B4GALT6: variants seen among roughly 807,000 people sequenced by gnomAD.
The protein encoded by B4GALT6 is beta-1,4-galactosyltransferase 6, also known as UDP-Gal:beta-GlcNAc beta-1,4-galactosyltransferase 6.
In B4GALT6, 14 loss-of-function variants were observed where a neutral mutation model predicts 46.3. The ratio of observed to expected loss-of-function variants is 0.30; its 90% CI spans 0.20 to 0.47. B4GALT6 has a LOEUF of 0.47. Among genes scored for constraint, B4GALT6 ranks in the 20% least tolerant of loss-of-function variants. The pLI is 0.99. For synonymous variants in B4GALT6, 168 were observed against 162.0 expected (o/e 1.04, Z -0.28); for missense variants, 386 against 480.1 (o/e 0.80, Z 1.83).
chr18:31,689,600 T>G (rs1036675340), upstream of B4GALT6, among the ~76,000 whole-genome samples: 1 of 151,902 alleles, frequency 6.6e-6, no homozygotes, highest in Non-Finnish European at 1.5e-5. Flanking sequence ...AAAAATTAGC[T>G]GGGCATGGTG....
At chr18:31,654,753 A>G (rs986622018) in intron 3 of B4GALT6, among the ~76,000 whole-genome samples, 3 of 152,218 alleles carry the variant, frequency 2.0e-5, no homozygotes, top group Admixed American at 2.0e-4. Context: ...AAGTAGATCT[A>G]ATTCTTACAC....
chr18:31,643,918 G>C (rs2073960468), intron 4 of B4GALT6, among the ~76,000 whole-genome samples: 1 of 152,190 alleles, frequency 6.6e-6, no homozygotes, highest in Non-Finnish European at 1.5e-5. Context: ...CGGTGACTGA[G>C]TATGCTTCTT....
chr18:31,669,363 T>G (rs2074323169), intron 1 of B4GALT6, among the ~76,000 whole-genome samples: 1 of 152,218 alleles, frequency 6.6e-6, no homozygotes, highest in Non-Finnish European at 1.5e-5. Context: ...TTTTTGTATA[T>G]TTGCTGCCAG....
chr18:31,697,039 G>T, the B4GALT6 span, among the ~76,000 whole-genome samples: 1 of 152,130 alleles, frequency 6.6e-6, no homozygotes, highest in African/African-American at 2.4e-5. Context: ...AGGAAGCTGA[G>T]GCAAGTGGAT....
chr18:31,646,360 C>T (rs901650396), intron 3 of B4GALT6, among the ~76,000 whole-genome samples: 2 of 152,140 alleles, frequency 1.3e-5, no homozygotes, highest in Admixed American at 1.3e-4. Context: ...TCCGTTAACC[C>T]CAAAAGAGAA....
the B4GALT6 span, among the ~76,000 whole-genome samples, chr18:31,706,280 T>G: frequency 3.3e-5 from 5 of 152,164 alleles, no homozygotes; most frequent in African/African-American, 1.2e-4. Flanking sequence ...ATTACATATG[T>G]GTGTATATAA....
At chr18:31,660,658 G>A (rs976553699) in intron 2 of B4GALT6, among the ~76,000 whole-genome samples, 3 of 150,852 alleles carry the variant, frequency 2.0e-5, no homozygotes, top group Admixed American at 6.6e-5. Context: ...CAGAAAGATA[G>A]AAAGGAAAGA....
intron 1 of B4GALT6, among the ~76,000 whole-genome samples, chr18:31,669,294 T>C (rs181223336): frequency 6.6e-6 from 1 of 152,338 alleles, no homozygotes; most frequent in East Asian, 1.9e-4. Context: ...TGTATTTAAA[T>C]TTGAAAATAA....
chr18:31,682,901 A>G (rs1265758800), intron 1 of B4GALT6, among the ~76,000 whole-genome samples: 1 of 152,220 alleles, frequency 6.6e-6, no homozygotes, highest in Non-Finnish European at 1.5e-5. Flanking sequence ...GAGTATCTAG[A>G]TAATATCAAA....
chr18:31,700,435 T>TGTGTGTGTGTG, the B4GALT6 span, among the ~76,000 whole-genome samples: 19 of 139,578 alleles, frequency 1.4e-4, no homozygotes, highest in African/African-American at 5.0e-4. Flanking sequence ...AATTGACTAT[T>TGTGTGTGTGTG]TGTGTGTGTG....
Position 31,666,296 on chromosome 18 carries a change from G to A in B4GALT6, c.192C>T (p.Ile64=). 3 of 1,608,630 alleles carry A rather than the reference G, an allele frequency of 1.9e-6. No homozygotes were observed. Among genetic ancestry groups the A allele is most frequent in the Non-Finnish European group, 2.5e-6 (3 of 1,177,128 alleles). The part of the protein sequence containing the change: ...RENVKTIGHM[I]RLYTNKNSTL... ...TACTGTTTTTATTTGTGTACAGCCTGATCATATGACCTATTGTTTTCACAT... is the reference window on the plus strand; with the variant it reads ...TACTGTTTTTATTTGTGTACAGCCTAATCATATGACCTATTGTTTTCACAT... The change falls in exon 2 of 9, where the codon ATC becomes ATT. Residue 64 remains isoleucine (I), a synonymous_variant. Transcript: ENST00000306851.
At chr18:31,679,046 C>T (rs1216832131) in intron 1 of B4GALT6, among the ~76,000 whole-genome samples, 2 of 152,226 alleles carry the variant, frequency 1.3e-5, no homozygotes, top group African/African-American at 4.8e-5. Flanking sequence ...GTTTGGAATA[C>T]CTATTACACA....
At chr18:31,703,246 G>T in the B4GALT6 span, among the ~76,000 whole-genome samples, 1 of 152,158 alleles carries the variant, frequency 6.6e-6, no homozygotes, top group African/African-American at 2.4e-5. Flanking sequence ...ATAAGAATGG[G>T]CAGAAAGTGG....
intron 3 of B4GALT6, among the ~76,000 whole-genome samples, chr18:31,646,786 A>G (rs964545364): frequency 4.6e-5 from 7 of 152,236 alleles, no homozygotes; most frequent in Admixed American, 3.3e-4. Context: ...CTAACCAGGC[A>G]GAGCTGTCTG....
At chr18:31,714,418 A>G in the B4GALT6 span, among the ~76,000 whole-genome samples, 64 of 152,304 alleles carry the variant, frequency 4.2e-4, no homozygotes, top group Non-Finnish European at 8.4e-4. Context: ...CAGAGGTTGC[A>G]CAGACAATCC....
rs2073639533 is a variant in B4GALT6 at position 31,623,155 on chromosome 18, C to T, written c.*2459G>A. 6.6e-6 allele frequency: 1 copy of T among 151,944 alleles called. No individual in the cohort carries two copies. Among genetic ancestry groups the T allele is most frequent in the Non-Finnish European group, 1.5e-5 (1 of 67,880 alleles). The allele number at this position is 151,944 out of a possible 1,614,324, so 9.4% of individuals were successfully genotyped here. A position where few individuals can be genotyped will look rare whatever the true frequency, so the allele number is the denominator to read the frequency against. On this transcript the variant is annotated 3_prime_UTR_variant, in exon 9 of 9. Coordinates refer to ENST00000306851, the MANE Select transcript of B4GALT6 (RefSeq NM_004775.5). ...ATCAATACATGCTCATTAATAAATCCTCCAAACATCCTATAATTTGCATTT... is the reference window on the plus strand; with the variant it reads ...ATCAATACATGCTCATTAATAAATCTTCCAAACATCCTATAATTTGCATTT...
the B4GALT6 span, among the ~76,000 whole-genome samples, chr18:31,719,512 T>C: frequency 6.6e-6 from 1 of 152,190 alleles, no homozygotes; most frequent in Non-Finnish European, 1.5e-5. Context: ...CCCTGTCTGA[T>C]GGTATAACCA....
chr18:31,684,596 C>A, upstream of B4GALT6: 5 of 1,187,220 alleles, frequency 4.2e-6, no homozygotes, highest in Middle Eastern at 3.8e-4. Flanking sequence ...TGGGAGGGAG[C>A]GGACGGAATG....
chr18:31,716,086 C>G, the B4GALT6 span, among the ~76,000 whole-genome samples: 1 of 152,206 alleles, frequency 6.6e-6, no homozygotes, highest in East Asian at 1.9e-4. Context: ...GTTCCCATTT[C>G]AATATTTATT....
Sources: gnomAD v4.1 joint callset for allele counts (sites outside exome capture counted in the v4.1 genomes callset) on GRCh38, gnomAD v4.1.1 for gene constraint, MANE v1.5 for transcripts, NCBI Gene and HGNC (gene_info 2026-07-23, HGNC 2026-07-21) for gene names.